The following PCDHGC3 variants were observed in gnomAD, a reference collection of about 807,000 sequenced individuals.
The protein encoded by PCDHGC3 is protocadherin gamma-C3.
Under a neutral mutation model 59.2 loss-of-function variants are expected in PCDHGC3, and 26 were observed. The observed-to-expected ratio is 0.44, with a 90% CI of 0.32 to 0.61. PCDHGC3 has a LOEUF of 0.61. Ranked by LOEUF, PCDHGC3 falls within the 20% of genes least tolerant of loss-of-function variation. The probability of loss-of-function intolerance (pLI) is 0.05; values close to 1 mark genes in which losing one functional copy is unlikely to be tolerated. For missense variants in PCDHGC3, 1,080 were observed against 1,221.8 expected (o/e 0.88, Z 1.73); for synonymous variants, 487 against 519.7 (o/e 0.94, Z 0.86).
Position 141,476,160 on chromosome 5 carries a change from G to A in PCDHGC3, c.44G>A (p.Arg15Lys), listed in dbSNP as rs781765205. 4.3e-6 allele frequency: 7 copies of A among 1,612,858 alleles called. No homozygotes were observed. The highest frequency in any genetic ancestry group is 5.9e-6 in the Non-Finnish European group (7 of 1,179,926). Residue 15 changes from arginine (R) to lysine (K), a missense_variant, in exon 1 of 4, where the codon AGG (arginine) becomes AAG (lysine). By Grantham distance (26) the Arg-to-Lys change is conservative. Coordinates refer to ENST00000308177, the MANE Select transcript of PCDHGC3 (RefSeq NM_002588.4). This position sits in a 1 kb window ranked among gnomAD's most constrained non-coding sequence, Gnocchi z 7.6. ...AGGAGCGGACTGGTAAGCACCGGGA[G>A]GGTAGTGGGAGTTTTGCTTCTGCTT... ...AWRSGLVSTG[R>K]VVGVLLLLGA...
intron 2 of PCDHGC3, among the ~76,000 whole-genome samples, chr5:141,503,598 C>CA (rs765754054): frequency 0.15 from 9,705 of 65,252 alleles, 922 homozygotes; most frequent in African/African-American, 0.34. Context: ...GACTCCAGCT[C>CA]AAAAAAAAAA....
In PCDHGC3 at chr5:141,491,633, C is replaced by T; in HGVS notation, c.2431-3174C>T. Reference sequence around the variant, plus strand: ...CTAAGACCCCTCAGCGTTCAGCAGCCCACAGCTCTGGCGCTGGAGCCTGAC... The same window carrying T: ...CTAAGACCCCTCAGCGTTCAGCAGCTCACAGCTCTGGCGCTGGAGCCTGAC... On this transcript the variant is annotated intron_variant, in intron 1 of 3. Transcript: ENST00000308177. This position sits in a 1 kb window ranked among gnomAD's most constrained non-coding sequence, Gnocchi z 6.9. 2 of 1,613,916 alleles carry T rather than the reference C, an allele frequency of 1.2e-6. No homozygotes were observed.
At position 141,491,942 on chromosome 5, in the gene PCDHGC3, C is replaced by T. The variant is rs932715298; in HGVS notation, c.2431-2865C>T. 6.4e-5 allele frequency: 72 copies of T among 1,122,376 alleles called. No individual in the cohort carries two copies. Among genetic ancestry groups the T allele is most frequent in the Admixed American group, 3.5e-5 (1 of 28,738 alleles). 69.5% of individuals were successfully genotyped at this position (1,122,376 alleles called of 1,614,324 possible). A position where few individuals can be genotyped will look rare whatever the true frequency, so the allele number is the denominator to read the frequency against. ...GGCGAGGGGAGGTGGGACCGACCCC[C>T]ACCCCTACACTCAAAAAAGGCCGGG... is the stretch of plus-strand genomic sequence containing the variant. On this transcript the variant is annotated intron_variant, in intron 1 of 3. Transcript: ENST00000308177. The surrounding 1 kb of genome is among the most constrained non-coding windows in gnomAD (Gnocchi z 6.9).
chr5:141,505,287 TG>T, intron 2 of PCDHGC3, 105 bp from the exon 3 acceptor site: 1 of 1,550,864 alleles, frequency 6.4e-7, no homozygotes, highest in Middle Eastern at 2.1e-4. Context: ...GTCTTGGGCA[TG>T]GGGTAGGGTT....
chr5:141,487,033 A>T lies in PCDHGC3; in HGVS notation c.2431-7774A>T, dbSNP rs1465525110. ...AGGCCCCAGATCCCAGCCTGTTTGC[A>T]GTCTCTCGATATGCTGGGGAGGTGC... On this transcript the variant is annotated intron_variant, in intron 1 of 3. Coordinates refer to ENST00000308177, the MANE Select transcript of PCDHGC3 (RefSeq NM_002588.4). This position sits in a 1 kb window ranked among gnomAD's most constrained non-coding sequence, Gnocchi z 5.0. The T allele has an allele frequency of 6.2e-7, 1 of 1,614,042 alleles. No homozygotes were observed. The highest frequency in any genetic ancestry group is 8.5e-7 in the Non-Finnish European group (1 of 1,180,040).
At chr5:141,502,887 G>T (rs2099816882) in intron 2 of PCDHGC3, among the ~76,000 whole-genome samples, 1 of 40,910 alleles carries the variant, frequency 2.4e-5, no homozygotes, top group Non-Finnish European at 4.5e-5. Context: ...TTTTGACAGG[G>T]AGTCTAGCTC....
In PCDHGC3 at chr5:141,491,759, G is replaced by C. The variant is rs746395685; in HGVS notation, c.2431-3048G>C. 3 of 1,575,392 alleles carry C rather than the reference G, an allele frequency of 1.9e-6. No individual in the cohort carries two copies. Among genetic ancestry groups the C allele is most frequent in the Non-Finnish European group, 2.6e-6 (3 of 1,161,808 alleles). ...GGGGGCGGCACTGGAGAAGCCGCCC[G>C]TCCTCATAAGGGATTGAACTTGCAT... On this transcript the variant is annotated intron_variant, in intron 1 of 3. Coordinates refer to ENST00000308177, the MANE Select transcript of PCDHGC3 (RefSeq NM_002588.4). The surrounding 1 kb of genome is among the most constrained non-coding windows in gnomAD (Gnocchi z 6.9).
Position 141,489,352 on chromosome 5 carries a change from G to A in PCDHGC3, c.2431-5455G>A, listed in dbSNP as rs1336068787. 1.9e-6 allele frequency: 3 copies of A among 1,612,152 alleles called. No homozygotes were observed. In the Admixed American group the frequency reaches 5.0e-5, roughly 27 times the overall value. On this transcript the variant is annotated intron_variant, in intron 1 of 3. Transcript: ENST00000308177. The surrounding 1 kb of genome is among the most constrained non-coding windows in gnomAD (Gnocchi z 4.5). ...GCAGCTTCGTTACTCAGTGGTGGAG[G>A]AGTCTGAGCCGGGGACGCTGGTGGG...
At position 141,486,927 on chromosome 5, in the gene PCDHGC3, G is replaced by A; in HGVS notation, c.2431-7880G>A. ...CCCCAAGCACTGCCTCCATCAGTTG[G>A]TGCTGGCCACCTAATCACAAAGGTG... On this transcript the variant is annotated intron_variant, in intron 1 of 3. Transcript: ENST00000308177. The surrounding 1 kb of genome is among the most constrained non-coding windows in gnomAD (Gnocchi z 5.0). 4 of 1,614,226 alleles carry A rather than the reference G, an allele frequency of 2.5e-6. No individual in the cohort carries two copies. Among genetic ancestry groups the A allele is most frequent in the Non-Finnish European group, 3.4e-6 (4 of 1,180,046 alleles).
Position 141,485,718 on chromosome 5 carries a change from T to A in PCDHGC3, c.2430+7172T>A, listed in dbSNP as rs562192762. ...TCCAATGAACACTTTGCACTGGATG[T>A]GAAGAAGCGCAGCGACGGCAGCCTG... On this transcript the variant is annotated intron_variant, in intron 1 of 3. Coordinates refer to ENST00000308177, the MANE Select transcript of PCDHGC3 (RefSeq NM_002588.4). The surrounding 1 kb of genome is among the most constrained non-coding windows in gnomAD (Gnocchi z 5.7). 1 of 1,614,058 alleles carries A rather than the reference T, an allele frequency of 6.2e-7. No homozygotes were observed. The highest frequency in any genetic ancestry group is 2.2e-5 in the East Asian group (1 of 44,866).
In PCDHGC3 at chr5:141,477,486, C is replaced by T. The variant is rs1472326209; in HGVS notation, c.1370C>T (p.Ser457Phe). Residue 457 changes from serine to phenylalanine, a missense_variant, in exon 1 of 4, where the codon TCT (serine) becomes TTT (phenylalanine). Physicochemically the swap from Ser to Phe is radical, Grantham distance 155. Coordinates refer to ENST00000308177, the MANE Select transcript of PCDHGC3 (RefSeq NM_002588.4). This position sits in a 1 kb window ranked among gnomAD's most constrained non-coding sequence, Gnocchi z 4.9. ...GACATCAATGACAACCCTCCACAATCTTCTCAATCTTCCTACGACGTTTAC... is the reference window on the plus strand; with the variant it reads ...GACATCAATGACAACCCTCCACAATTTTCTCAATCTTCCTACGACGTTTAC... ...VSDINDNPPQ[S>F]SQSSYDVYIE... 6.2e-7 allele frequency: 1 copy of T among 1,614,052 alleles called. No individual in the cohort carries two copies. The highest frequency in any genetic ancestry group is 1.3e-5 in the African/African-American group (1 of 74,914).
Position 141,493,435 on chromosome 5 carries a change from G to T in PCDHGC3, c.2431-1372G>T, listed in dbSNP as rs150678406. On this transcript the variant is annotated intron_variant, in intron 1 of 3. Coordinates refer to ENST00000308177, the MANE Select transcript of PCDHGC3 (RefSeq NM_002588.4). The surrounding 1 kb of genome is among the most constrained non-coding windows in gnomAD (Gnocchi z 4.3). ...TGGGATTTTGCTTCTGCTGGGATGG[G>T]GCAAGGGTGGGGTTCCTTCCCTTTT... Among the ~76,000 whole-genome samples the T allele has an allele frequency of 6.6e-5, 10 of 152,294 alleles. No individual in the cohort carries two copies. In the East Asian group the frequency reaches 1.7e-3, roughly 26 times the overall value.
rs911954966 is a variant in PCDHGC3, at chr5:141,491,081, C to G, written c.2431-3726C>G. On this transcript the variant is annotated intron_variant, in intron 1 of 3. Coordinates refer to ENST00000308177, the MANE Select transcript of PCDHGC3 (RefSeq NM_002588.4). This position sits in a 1 kb window ranked among gnomAD's most constrained non-coding sequence, Gnocchi z 6.9. ...TCCTACTCACTGTTGCCACAGTCCACAGCCCCAGGACTGTTCCTCGTGTCT... is the reference window on the plus strand; with the variant it reads ...TCCTACTCACTGTTGCCACAGTCCAGAGCCCCAGGACTGTTCCTCGTGTCT... The G allele has an allele frequency of 4.3e-6, 7 of 1,614,176 alleles. No individual in the cohort carries two copies. Among genetic ancestry groups the G allele is most frequent in the Non-Finnish European group, 5.9e-6 (7 of 1,180,010 alleles).
In PCDHGC3 at chr5:141,486,036, G is replaced by A. The variant is rs773301300; in HGVS notation, c.2430+7490G>A. ...TATTTCAGTGGTCATACCCCTGATC[G>A]TGTAAGAAACCTCTTTAGCCTGCAC... On this transcript the variant is annotated intron_variant, in intron 1 of 3. Transcript: ENST00000308177. This position sits in a 1 kb window ranked among gnomAD's most constrained non-coding sequence, Gnocchi z 5.0. 2.5e-6 allele frequency: 4 copies of A among 1,614,048 alleles called. No individual in the cohort carries two copies. Among genetic ancestry groups the A allele is most frequent in the Admixed American group, 1.7e-5 (1 of 60,004 alleles).
At chr5:141,497,503 C>CTGCTTCCT (rs1042765123) in intron 2 of PCDHGC3, among the ~76,000 whole-genome samples, 57 of 151,054 alleles carry the variant, frequency 3.8e-4, no homozygotes, top group African/African-American at 1.4e-3. Flanking sequence ...TCTCCTCTCT[C>CTGCTTCCT]TGCTTCCTTA....
rs1193095881 is a variant in PCDHGC3 at position 141,490,273 on chromosome 5, G to T, written c.2431-4534G>T. On this transcript the variant is annotated intron_variant, in intron 1 of 3. Coordinates refer to ENST00000308177, the MANE Select transcript of PCDHGC3 (RefSeq NM_002588.4). This position sits in a 1 kb window ranked among gnomAD's most constrained non-coding sequence, Gnocchi z 5.4. ...TCAAGTGGATGTGGGGGATGTCAAT[G>T]ACAATGCCCCAGAGGTGCTATTGGC... 6.2e-7 allele frequency: 1 copy of T among 1,614,108 alleles called. No homozygotes were observed. The highest frequency in any genetic ancestry group is 8.5e-7 in the Non-Finnish European group (1 of 1,180,052).
chr5:141,495,918 T>C (rs2099764622), intron 2 of PCDHGC3, among the ~76,000 whole-genome samples: 1 of 152,184 alleles, frequency 6.6e-6, no homozygotes, highest in African/African-American at 2.4e-5. Flanking sequence ...ATATCTTTCT[T>C]TGTCTCTGTC....
chr5:141,486,211 T>C lies in PCDHGC3; in HGVS notation c.2430+7665T>C, dbSNP rs779905477. On this transcript the variant is annotated intron_variant, in intron 1 of 3. Coordinates refer to ENST00000308177, the MANE Select transcript of PCDHGC3 (RefSeq NM_002588.4). The surrounding 1 kb of genome is among the most constrained non-coding windows in gnomAD (Gnocchi z 5.0). ...TGGATCTGCTGGACGTAAATGACAA[T>C]GCCCCTTACATCACAGTGACCTCAG... 6.2e-7 allele frequency: 1 copy of C among 1,614,142 alleles called. No homozygotes were observed. Among genetic ancestry groups the C allele is most frequent in the Non-Finnish European group, 8.5e-7 (1 of 1,180,024 alleles).
At chr5:141,509,143 C>T (rs1022878562) in intron 3 of PCDHGC3, among the ~76,000 whole-genome samples, 9 of 152,138 alleles carry the variant, frequency 5.9e-5, no homozygotes, top group Non-Finnish European at 1.0e-4. Flanking sequence ...AGGCGCATCC[C>T]GGCTCTCCCC....
Sources: gnomAD v4.1 joint callset for allele counts (sites outside exome capture counted in the v4.1 genomes callset) on GRCh38, gnomAD v4.1.1 for gene constraint, Gnocchi (gnomAD v3.1) non-coding constraint, MANE v1.5 for transcripts, NCBI Gene and HGNC (gene_info 2026-07-23, HGNC 2026-07-21) for gene names.